The following AP1S3 variants were observed in gnomAD, a reference collection of about 807,000 sequenced individuals.
AP1S3 encodes the protein adaptor related protein complex 1 subunit sigma 3.
A neutral mutation model predicts 20.9 loss-of-function variants in AP1S3; 10 were observed. The ratio of observed to expected loss-of-function variants is 0.48; its 90% CI spans 0.29 to 0.81. The LOEUF (loss-of-function observed/expected upper bound fraction) is 0.81, where lower values mean the gene tolerates loss of function less well. AP1S3 is among the 30% of genes least tolerant of loss of function. The pLI, the probability that AP1S3 is intolerant of heterozygous loss-of-function variation, is 0.08. For missense variants in AP1S3, 154 were observed against 183.8 expected (o/e 0.84, Z 0.94); for synonymous variants, 41 against 61.5 (o/e 0.67, Z 1.56).
intron 1 of AP1S3, among the ~76,000 whole-genome samples, chr2:223,791,142 A>G (rs1691208194): frequency 2.0e-5 from 3 of 152,184 alleles, no homozygotes; most frequent in Non-Finnish European, 2.9e-5. Flanking sequence ...ATTCCAAAAC[A>G]TTGAAAAGGA....
At chr2:223,816,063 T>C (rs1304507639) in intron 1 of AP1S3, among the ~76,000 whole-genome samples, 1 of 152,214 alleles carries the variant, frequency 6.6e-6, no homozygotes, top group African/African-American at 2.4e-5. Context: ...TGAGCCGTGA[T>C]CATGCCACTG....
At chr2:223,822,303 G>A (rs1004110487) in intron 1 of AP1S3, among the ~76,000 whole-genome samples, 2 of 151,812 alleles carry the variant, frequency 1.3e-5, no homozygotes, top group African/African-American at 2.4e-5. Flanking sequence ...GAGACAAGAG[G>A]ATTGCTTGAG....
At chr2:223,804,033 C>CA (rs1185425450) in intron 1 of AP1S3, among the ~76,000 whole-genome samples, 1 of 152,108 alleles carries the variant, frequency 6.6e-6, no homozygotes, top group Non-Finnish European at 1.5e-5. Flanking sequence ...TTGAATTATA[C>CA]AATCCACCCT....
In AP1S3 at chr2:223,756,470, G is replaced by A. The variant is rs1343933128; in HGVS notation, c.*2245C>T. 5.8e-6 allele frequency: 5 copies of A among 865,522 alleles called. No individual in the cohort carries two copies. The African/African-American group carries it at 7.5e-5, about 13-fold the overall frequency. The allele number at this position is 865,522 out of a possible 1,614,324, so 53.6% of individuals were successfully genotyped here. ...AAGGAAAAGAAAGAAAGAAAGAAAA[G>A]AAAGAAAGAAAGAAAAAAAGAAAGA... is the stretch of plus-strand genomic sequence containing the variant. On this transcript the variant is annotated 3_prime_UTR_variant, in exon 5 of 5. Coordinates refer to ENST00000396654, the MANE Select transcript of AP1S3 (RefSeq NM_001039569.2).
chr2:223,766,949 C>T (rs1241816791), intron 3 of AP1S3, among the ~76,000 whole-genome samples: 1 of 150,918 alleles, frequency 6.6e-6, no homozygotes, highest in Non-Finnish European at 1.5e-5. Flanking sequence ...CAAACTACTA[C>T]AAGAATAGAA....
At chr2:223,799,208 G>GACACAC (rs10527751) in intron 1 of AP1S3, among the ~76,000 whole-genome samples, 26,125 of 145,536 alleles carry the variant, frequency 0.18, 2,854 homozygotes, top group South Asian at 0.3. Flanking sequence ...TTCGGGCCTA[G>GACACAC]ACACACACAC....
intron 1 of AP1S3, among the ~76,000 whole-genome samples, chr2:223,796,534 C>G (rs1299139571): frequency 6.6e-6 from 1 of 152,126 alleles, no homozygotes; most frequent in African/African-American, 2.4e-5. Context: ...GATGAGTAAT[C>G]TGGAGTTCCT....
rs75504275 is a variant in AP1S3, at chr2:223,793,836, G to A, written c.4-15967C>T. ...TTTTTGTTTGTTTTTGTTTTGAGAC[G>A]GTTCACCATGCTGGCCAGGCTCGTC... is the stretch of plus-strand genomic sequence containing the variant. On this transcript the variant is annotated intron_variant, in intron 1 of 4. Coordinates refer to ENST00000396654, the MANE Select transcript of AP1S3 (RefSeq NM_001039569.2). 5.0e-3 allele frequency among the ~76,000 whole-genome samples: 765 copies of A among 151,496 alleles called. 4 individuals are homozygous for A. Among genetic ancestry groups the A allele is most frequent in the Middle Eastern group, 0.024 (7 of 294 alleles).
At chr2:223,800,570 G>A (rs1691445512) in intron 1 of AP1S3, among the ~76,000 whole-genome samples, 1 of 151,576 alleles carries the variant, frequency 6.6e-6, no homozygotes, top group African/African-American at 2.4e-5. Flanking sequence ...CACACCAACA[G>A]GCTAAAAAAG....
intron 4 of AP1S3, among the ~76,000 whole-genome samples, chr2:223,759,604 G>C (rs1475857926): frequency 2.0e-5 from 3 of 152,162 alleles, no homozygotes; most frequent in Non-Finnish European, 4.4e-5. Flanking sequence ...TCCTCCCAAA[G>C]TATACAAATT....
At chr2:223,773,755 G>T (rs10166881) in intron 3 of AP1S3, among the ~76,000 whole-genome samples, 99,101 of 152,006 alleles carry the variant, frequency 0.65, 33,068 homozygotes, top group East Asian at 0.81. Context: ...AAAAAACTCT[G>T]CTGGAAGCAA....
In AP1S3 at chr2:223,762,819, G is replaced by A. The variant is rs1174832800; in HGVS notation, c.429+2394C>T. 2.0e-5 allele frequency among the ~76,000 whole-genome samples: 3 copies of A among 151,964 alleles called. No homozygotes were observed. In the South Asian group the frequency reaches 6.2e-4, roughly 32 times the overall value. ...AAACTGTTATTAAGTAGGAGCTAGAGAAAAGTCTTAGGGGCTACTGAAGAT... is the reference window on the plus strand; with the variant it reads ...AAACTGTTATTAAGTAGGAGCTAGAAAAAAGTCTTAGGGGCTACTGAAGAT... On this transcript the variant is annotated intron_variant, in intron 4 of 4. Coordinates refer to ENST00000396654, the MANE Select transcript of AP1S3 (RefSeq NM_001039569.2).
At chr2:223,781,597 A>G (rs948344206) in intron 1 of AP1S3, among the ~76,000 whole-genome samples, 5 of 152,062 alleles carry the variant, frequency 3.3e-5, no homozygotes, top group Non-Finnish European at 7.4e-5. Flanking sequence ...AATAATAATA[A>G]TAATAATCAA....
At chr2:223,764,418 T>C (rs989617103) in intron 4 of AP1S3, among the ~76,000 whole-genome samples, 6 of 152,008 alleles carry the variant, frequency 3.9e-5, no homozygotes, top group African/African-American at 1.4e-4. Flanking sequence ...TTTCTCACAG[T>C]GTCCTGGGAG....
chr2:223,780,347 AGAGAGAGAGAGT>A (rs1368303562), intron 1 of AP1S3, among the ~76,000 whole-genome samples: 193 of 89,320 alleles, frequency 2.2e-3, no homozygotes, highest in East Asian at 0.011. Context: ...AGAGAGAGAG[AGAGAGAGAGAGT>A]GTGTGTGTGT....
chr2:223,759,950 C>T (rs1234668423), intron 4 of AP1S3, among the ~76,000 whole-genome samples: 2 of 152,156 alleles, frequency 1.3e-5, no homozygotes, highest in Non-Finnish European at 2.9e-5. Flanking sequence ...GACATGATCT[C>T]ATTCTTTTCA....
intron 1 of AP1S3, among the ~76,000 whole-genome samples, chr2:223,782,462 G>A (rs1425040714): frequency 6.6e-6 from 1 of 151,848 alleles, no homozygotes. Flanking sequence ...ACTTTTAATC[G>A]AGGGCACCTA....
rs1690233371 is a variant in AP1S3, at chr2:223,756,821, G to GA, written c.*1893dup. The GA allele has an allele frequency of 1.0e-6, 1 of 985,224 alleles. No individual in the cohort carries two copies. The highest frequency in any genetic ancestry group is 1.7e-5 in the African/African-American group (1 of 57,276). 61.0% of individuals were successfully genotyped at this position (985,224 alleles called of 1,614,324 possible). A position where few individuals can be genotyped will look rare whatever the true frequency, so the allele number is the denominator to read the frequency against. On this transcript the variant is annotated 3_prime_UTR_variant, in exon 5 of 5. Transcript: ENST00000396654. ...AGTTCTCTAAAAATCTACCAGATGG[G>GA]ATCTCCTAAAGAATCCAACAGGAAA...
intron 1 of AP1S3, among the ~76,000 whole-genome samples, chr2:223,816,226 T>C (rs1456155125): frequency 6.6e-6 from 1 of 152,210 alleles, no homozygotes; most frequent in Admixed American, 6.5e-5. Flanking sequence ...ACCGTACTAC[T>C]TTATCACCAG....
Sources: gnomAD v4.1 joint callset for allele counts (sites outside exome capture counted in the v4.1 genomes callset) on GRCh38, gnomAD v4.1.1 for gene constraint, MANE v1.5 for transcripts, NCBI Gene and HGNC (gene_info 2026-07-23, HGNC 2026-07-21) for gene names.